Variants in DOP1A observed in about 807,000 individuals in gnomAD.
DOP1A encodes DOP1 leucine zipper like protein A, also known as protein DOP1A.
DOP1A carries 90 observed loss-of-function variants against 267.6 expected under a neutral mutation model. That is an observed-to-expected ratio of 0.34 (90% CI 0.28 to 0.40). The LOEUF is 0.40. DOP1A is among the 10% of genes least tolerant of loss of function. DOP1A has a pLI of 1.00. For synonymous variants in DOP1A, 932 were observed against 999.1 expected (o/e 0.93, Z 1.27); for missense variants, 2,437 against 2,900.4 (o/e 0.84, Z 3.67).
At chr6:83,106,988 C>T (rs569322081) in intron 4 of DOP1A, among the ~76,000 whole-genome samples, 2 of 152,014 alleles carry the variant, frequency 1.3e-5, no homozygotes, top group African/African-American at 4.8e-5. Flanking sequence ...CATTGGTGAC[C>T]AAAATGAGAA....
Position 83,130,202 on chromosome 6 carries a change from G to C in DOP1A, c.2421G>C (p.Gln807His), listed in dbSNP as rs749894496. The change falls in exon 17 of 39, where the codon CAG becomes CAC. Residue 807 changes from glutamine (Q) to histidine (H), a missense_variant. By Grantham distance (24) the Gln-to-His change is conservative (BLOSUM62 0). Transcript: ENST00000349129. ...GCCAAGCAAGTGATTTCAGTGTTCAGAGTGTTGCTATTTCACTAGTTATGG... is the reference window on the plus strand; with the variant it reads ...GCCAAGCAAGTGATTTCAGTGTTCACAGTGTTGCTATTTCACTAGTTATGG... ...ACSQASDFSV[Q>H]SVAISLVMDL... 5.6e-6 allele frequency: 9 copies of C among 1,614,120 alleles called. No homozygotes were observed. Among genetic ancestry groups the C allele is most frequent in the Non-Finnish European group, 6.8e-6 (8 of 1,179,992 alleles).
intron 1 of DOP1A, 120 bp downstream of exon 1, chr6:83,067,899 C>G (rs1382775225): frequency 6.6e-6 from 1 of 152,428 alleles, no homozygotes; most frequent in Non-Finnish European, 1.5e-5. Context: ...GCTGTGGCGT[C>G]GGGGGTGTTG....
chr6:83,085,778 TTTATGTTATGTTATGTTATGTTATG>T (rs55657605), intron 1 of DOP1A, among the ~76,000 whole-genome samples: 1,495 of 143,054 alleles, frequency 0.01, 24 homozygotes, highest in African/African-American at 0.036. Flanking sequence ...TTTGCGGTAT[TTTATGTTATGTTATGTTATGTTATG>T]TTATGTTATG....
chr6:83,122,961 G>T lies in DOP1A; in HGVS notation c.1319G>T (p.Arg440Leu). The T allele has an allele frequency of 1.3e-6, 2 of 1,581,746 alleles. No individual in the cohort carries two copies. The highest frequency in any genetic ancestry group is 1.7e-6 in the Non-Finnish European group (2 of 1,168,224). The change falls in exon 12 of 39, where the codon CGC becomes CTC. Residue 440 changes from arginine (R) to leucine (L), a missense_variant. Physicochemically the swap from Arg to Leu is moderately radical, Grantham distance 102. Coordinates refer to ENST00000349129, the MANE Select transcript of DOP1A (RefSeq NM_015018.4). ...TATTATATGTGGGATTATGTTGCAC[G>T]CTGGTTTGAAGAATGTTGTAGGTAT... is the stretch of plus-strand genomic sequence containing the variant. ...EPYYMWDYVA[R>L]WFEECCRRTL...
chr6:83,100,941 A>G, intron 4 of DOP1A, 55 bp downstream of exon 4: 5 of 1,166,368 alleles, frequency 4.3e-6, no homozygotes, highest in Non-Finnish European at 5.6e-6. Flanking sequence ...TGTATTGCTA[A>G]ACTATTTTAT....
At chr6:83,169,665 C>A, downstream of DOP1A, 1 of 466,722 alleles carries the variant, frequency 2.1e-6, no homozygotes, top group Non-Finnish European at 4.3e-6. Flanking sequence ...TCTCCTCATC[C>A]ATCATGGATA....
chr6:83,084,614 G>A (rs1394272246), intron 1 of DOP1A, among the ~76,000 whole-genome samples: 3 of 151,940 alleles, frequency 2.0e-5, no homozygotes, highest in Non-Finnish European at 4.4e-5. Flanking sequence ...ACAGAGTCTT[G>A]CTTTGTAGCC....
At chr6:83,112,796 C>T (rs1477634827) in intron 6 of DOP1A, among the ~76,000 whole-genome samples, 2 of 152,082 alleles carry the variant, frequency 1.3e-5, no homozygotes, top group South Asian at 4.1e-4. Flanking sequence ...CTGCACATAC[C>T]CCAAGACCTG....
At chr6:83,164,830 G>C in intron 38 of DOP1A, 1 of 833,984 alleles carries the variant, frequency 1.2e-6, no homozygotes, top group Non-Finnish European at 1.9e-6. Flanking sequence ...CAGGAAGGAA[G>C]TCTTTTTTCA....
At chr6:83,156,511 C>T (rs1782828211) in intron 34 of DOP1A, among the ~76,000 whole-genome samples, 3 of 152,146 alleles carry the variant, frequency 2.0e-5, no homozygotes, top group Admixed American at 2.0e-4. Context: ...TTGGGGACTG[C>T]ATGGGGGATT....
At chr6:83,092,121 A>T (rs1169770124) in intron 1 of DOP1A, among the ~76,000 whole-genome samples, 1 of 151,966 alleles carries the variant, frequency 6.6e-6, no homozygotes, top group Non-Finnish European at 1.5e-5. Context: ...TTTGTATCTG[A>T]CATACATACA....
chr6:83,077,566 C>T (rs893976433), intron 1 of DOP1A, among the ~76,000 whole-genome samples: 1 of 151,376 alleles, frequency 6.6e-6, no homozygotes, highest in African/African-American at 2.4e-5. Flanking sequence ...ATCCTGGCTA[C>T]TCAGGAGGCT....
chr6:83,156,114 A>T lies in DOP1A; in HGVS notation c.6604+11A>T. The T allele has an allele frequency of 1.3e-6, 2 of 1,598,686 alleles. No homozygotes were observed. The highest frequency in any genetic ancestry group is 1.7e-6 in the Non-Finnish European group (2 of 1,175,312). ...TTCCAGATATACAAGGTAAAAAATG[A>T]AAAACCCTTTATTTTTTCTCTAACT... On this transcript the variant is annotated intron_variant, in intron 34 of 38. Transcript: ENST00000349129.
chr6:83,107,012 G>A (rs1773727401), intron 4 of DOP1A, among the ~76,000 whole-genome samples: 1 of 152,136 alleles, frequency 6.6e-6, no homozygotes, highest in Non-Finnish European at 1.5e-5. Flanking sequence ...TTTCAGTGGA[G>A]GAGGTAGAAG....
At chr6:83,107,981 A>C (rs1258609045) in intron 4 of DOP1A, among the ~76,000 whole-genome samples, 1 of 152,250 alleles carries the variant, frequency 6.6e-6, no homozygotes, top group African/African-American at 2.4e-5. Flanking sequence ...ATGGGAAATC[A>C]GTGAAAGGTT....
chr6:83,132,596 G>C (rs1051521912), intron 18 of DOP1A, among the ~76,000 whole-genome samples: 1 of 152,032 alleles, frequency 6.6e-6, no homozygotes, highest in Non-Finnish European at 1.5e-5. Context: ...ACACAGTTAT[G>C]GGAACTGATG....
intron 6 of DOP1A, among the ~76,000 whole-genome samples, chr6:83,112,978 C>T (rs1196196120): frequency 6.6e-6 from 1 of 152,058 alleles, no homozygotes; most frequent in Non-Finnish European, 1.5e-5. Flanking sequence ...AAATGAAGCT[C>T]TTTAATGACA....
chr6:83,072,171 TAAA>T (rs1166387837), intron 1 of DOP1A, among the ~76,000 whole-genome samples: 1 of 152,212 alleles, frequency 6.6e-6, no homozygotes, highest in Non-Finnish European at 1.5e-5. Flanking sequence ...TCTTATTTTG[TAAA>T]ATACATTTTG....
rs1786334146 is a variant in DOP1A at position 83,168,240 on chromosome 6, A to G, written c.*73A>G. 6.7e-7 allele frequency: 1 copy of G among 1,493,454 alleles called. No individual in the cohort carries two copies. The highest frequency in any genetic ancestry group is 2.3e-5 in the Admixed American group (1 of 42,654). The allele number at this position is 1,493,454 out of a possible 1,614,324, so 92.5% of individuals were successfully genotyped here. ...AAACACACACACTGCTCTGCGTTGT[A>G]TAGTTTTTCCTTTTTTGTATGTAAC... On this transcript the variant is annotated 3_prime_UTR_variant, in exon 39 of 39. Coordinates refer to ENST00000349129, the MANE Select transcript of DOP1A (RefSeq NM_015018.4).
Sources: gnomAD v4.1 joint callset for allele counts (sites outside exome capture counted in the v4.1 genomes callset) on GRCh38, gnomAD v4.1.1 for gene constraint, MANE v1.5 for transcripts, NCBI Gene and HGNC (gene_info 2026-07-23, HGNC 2026-07-21) for gene names.